CSMD1: variants seen among roughly 807,000 people sequenced by gnomAD.
CSMD1 encodes CUB and Sushi multiple domains 1.
A neutral mutation model predicts 417.5 loss-of-function variants in CSMD1; 213 were observed. That is an observed-to-expected ratio of 0.51 (90% CI 0.46 to 0.57). The LOEUF is 0.57. CSMD1 is among the 20% of genes least tolerant of loss of function. The pLI is 0.00. For missense variants in CSMD1, 6,923 were observed against 4,529.7 expected (o/e 1.53, Z -15.17); for synonymous variants, 2,862 against 1,736.8 (o/e 1.65, Z -16.11).
At chr8:3,246,788 T>C (rs1482886230) in intron 26 of CSMD1, among the ~76,000 whole-genome samples, 1 of 152,180 alleles carries the variant, frequency 6.6e-6, no homozygotes, top group Non-Finnish European at 1.5e-5. Flanking sequence ...ATTTTCTTAA[T>C]CATCAATATT....
At chr8:3,578,481 G>A (rs566661526) in intron 9 of CSMD1, among the ~76,000 whole-genome samples, 3 of 152,288 alleles carry the variant, frequency 2.0e-5, no homozygotes, top group African/African-American at 4.8e-5. Context: ...GGAAGCGGAT[G>A]GCTGCCATTA....
intron 5 of CSMD1, among the ~76,000 whole-genome samples, chr8:3,988,983 T>C (rs1814539785): frequency 6.6e-6 from 1 of 152,254 alleles, no homozygotes; most frequent in Non-Finnish European, 1.5e-5. Context: ...CATAGACTTT[T>C]AGAACTAGAT....
chr8:4,017,551 C>A (rs1563322941), intron 4 of CSMD1, among the ~76,000 whole-genome samples: 1 of 152,106 alleles, frequency 6.6e-6, no homozygotes, highest in African/African-American at 2.4e-5. Flanking sequence ...GATGATCCAC[C>A]CACCTTGGTC....
chr8:3,313,645 A>C (rs1479278404), intron 23 of CSMD1, among the ~76,000 whole-genome samples: 1 of 152,214 alleles, frequency 6.6e-6, no homozygotes. Flanking sequence ...GATGTGGAGA[A>C]ATAGGAACAC....
chr8:4,360,227 C>A (rs371723232), intron 3 of CSMD1, among the ~76,000 whole-genome samples: 17 of 152,230 alleles, frequency 1.1e-4, no homozygotes, highest in East Asian at 9.7e-4. Flanking sequence ...TAACCCTTCT[C>A]ATCTAATGTT....
chr8:4,787,888 G>T, intron 1 of CSMD1: 2 of 1,580,554 alleles, frequency 1.3e-6, no homozygotes, highest in Non-Finnish European at 1.7e-6. Context: ...TATGAAGATT[G>T]AATTTGGTGT....
chr8:4,131,431 C>A (rs191277820), intron 3 of CSMD1, among the ~76,000 whole-genome samples: 2 of 152,124 alleles, frequency 1.3e-5, no homozygotes, highest in Admixed American at 6.5e-5. Context: ...CTCTCAACTA[C>A]CCCTGAGGTC....
In CSMD1 at chr8:3,428,515, A is replaced by G. The variant is rs186138168; in HGVS notation, c.1562-18910T>C. ...ATTCAAATAAAAATGATGGGGAAAA[A>G]AAAGACTTTCATAGCAACCCTTAAA... On this transcript the variant is annotated intron_variant, in intron 12 of 69. Coordinates refer to ENST00000635120, the MANE Select transcript of CSMD1 (RefSeq NM_033225.6). 1.6e-3 allele frequency among the ~76,000 whole-genome samples: 243 copies of G among 152,326 alleles called. 2 individuals carry two copies. The highest frequency in any genetic ancestry group is 2.1e-3 in the Non-Finnish European group (144 of 68,028).
intron 2 of CSMD1, among the ~76,000 whole-genome samples, chr8:4,449,675 T>A (rs1154070): frequency 6.6e-6 from 1 of 151,852 alleles, no homozygotes; most frequent in African/African-American, 2.4e-5. Flanking sequence ...CTGAGAGGAA[T>A]GGGATGGGAA....
At position 4,513,735 on chromosome 8, in the gene CSMD1, G is replaced by C. The variant is rs564727631; in HGVS notation, c.303-93670C>G. ...TCCACAGATACACACACATAAACTT[G>C]CTACTTTGGCAAAAATACATAAATT... On this transcript the variant is annotated intron_variant, in intron 2 of 69. Transcript: ENST00000635120. Among the ~76,000 whole-genome samples, 4 of 152,276 alleles carry C rather than the reference G, an allele frequency of 2.6e-5. No homozygotes were observed. In the South Asian group the frequency reaches 8.3e-4, roughly 32 times the overall value.
chr8:4,901,840 G>C (rs1348815494), intron 1 of CSMD1, among the ~76,000 whole-genome samples: 2 of 151,480 alleles, frequency 1.3e-5, no homozygotes, highest in East Asian at 1.9e-4. Flanking sequence ...ATCTGAGTGA[G>C]TAGCATCATG....
intron 3 of CSMD1, among the ~76,000 whole-genome samples, chr8:4,327,050 C>G (rs773274422): frequency 5.9e-5 from 9 of 152,118 alleles, no homozygotes; most frequent in Admixed American, 1.3e-4. Context: ...GATTCCAACT[C>G]AGAAGACGAC....
chr8:4,235,999 C>G (rs946048187), intron 3 of CSMD1, among the ~76,000 whole-genome samples: 1 of 147,036 alleles, frequency 6.8e-6, no homozygotes, highest in Non-Finnish European at 1.5e-5. Flanking sequence ...GTGATAATCA[C>G]TGTGAGCAAA....
intron 10 of CSMD1, among the ~76,000 whole-genome samples, chr8:3,528,029 C>T (rs1283507783): frequency 6.6e-6 from 1 of 152,136 alleles, no homozygotes; most frequent in Non-Finnish European, 1.5e-5. Flanking sequence ...TGTCTCCAGC[C>T]ATTGCCATTT....
chr8:4,124,985 C>G (rs1357394637), intron 3 of CSMD1, among the ~76,000 whole-genome samples: 1 of 151,376 alleles, frequency 6.6e-6, no homozygotes, highest in Non-Finnish European at 1.5e-5. Flanking sequence ...GTCGCTTTTG[C>G]TTTCCTTTCA....
intron 7 of CSMD1, among the ~76,000 whole-genome samples, chr8:3,666,424 C>G (rs1460444847): frequency 6.6e-6 from 1 of 152,124 alleles, no homozygotes. Context: ...TTAATGTATA[C>G]TTGCTAAAAT....
chr8:3,384,274 T>C (rs1810829605), intron 18 of CSMD1, among the ~76,000 whole-genome samples: 1 of 152,184 alleles, frequency 6.6e-6, no homozygotes, highest in Non-Finnish European at 1.5e-5. Flanking sequence ...TCTTTATATC[T>C]TCAATCAATG....
At chr8:4,177,069 A>G (rs1334719128) in intron 3 of CSMD1, among the ~76,000 whole-genome samples, 1 of 152,206 alleles carries the variant, frequency 6.6e-6, no homozygotes, top group African/African-American at 2.4e-5. Context: ...TCATCTCTGC[A>G]CCAAGCGGAC....
intron 10 of CSMD1, among the ~76,000 whole-genome samples, chr8:3,557,905 G>A (rs560729765): frequency 1.6e-4 from 25 of 152,162 alleles, no homozygotes; most frequent in Admixed American, 7.9e-4. Context: ...TAAGTTATAC[G>A]GTCAACTCCC....
Sources: allele counts gnomAD v4.1 joint callset (sites outside exome capture counted in the v4.1 genomes callset), GRCh38; gene constraint gnomAD v4.1.1; transcripts MANE v1.5; gene names NCBI Gene and HGNC (gene_info 2026-07-23, HGNC 2026-07-21).